The following IL1RAPL2 variants were observed in gnomAD, a reference collection of about 807,000 sequenced individuals.
The protein encoded by IL1RAPL2 is interleukin 1 receptor accessory protein like 2.
In IL1RAPL2, 3 loss-of-function variants were observed where a neutral mutation model predicts 44.1. That is an observed-to-expected ratio of 0.07 (90% CI 0.03 to 0.18). The LOEUF is 0.18. Among genes scored for constraint, IL1RAPL2 ranks in the 10% least tolerant of loss-of-function variants. IL1RAPL2 has a pLI of 1.00. For missense variants in IL1RAPL2, 391 were observed against 496.4 expected, an observed-to-expected ratio of 0.79 and a Z score of 2.02; for synonymous variants, 181 against 178.8, an observed-to-expected ratio of 1.01 and a Z score of -0.10.
intron 6 of IL1RAPL2, among the ~76,000 whole-genome samples, chrX:105,522,582 C>G (rs920238111): frequency 1.8e-5 from 2 of 112,204 alleles, no homozygotes; most frequent in African/African-American, 3.2e-5. Flanking sequence ...GACTTGGTGT[C>G]TAGTTCAGTG....
At chrX:105,364,228 A>G (rs1268022279) in intron 5 of IL1RAPL2, among the ~76,000 whole-genome samples, 1 of 111,560 alleles carries the variant, frequency 9.0e-6, no homozygotes, top group African/African-American at 3.2e-5. Flanking sequence ...TTAATTCACT[A>G]TAAATACTTG....
At chrX:105,328,202 T>C (rs969217657) in intron 5 of IL1RAPL2, among the ~76,000 whole-genome samples, 2 of 112,156 alleles carry the variant, frequency 1.8e-5, no homozygotes, top group African/African-American at 6.5e-5. Flanking sequence ...CAAATTCTTT[T>C]CTGAACCTAG....
At chrX:105,765,900 G>A (rs957276447) in intron 10 of IL1RAPL2, among the ~76,000 whole-genome samples, 2 of 112,379 alleles carry the variant, frequency 1.8e-5, no homozygotes, top group African/African-American at 6.5e-5. Context: ...GCTTCTTTCT[G>A]TAAGCACTGC....
At chrX:104,809,761 T>A (rs1286920934) in intron 2 of IL1RAPL2, among the ~76,000 whole-genome samples, 1 of 111,729 alleles carries the variant, frequency 9.0e-6, no homozygotes, top group Non-Finnish European at 1.9e-5. Flanking sequence ...TTTTGTCTTT[T>A]GTTGCTATTG....
chrX:105,197,602 C>A lies in IL1RAPL2; in HGVS notation c.356+1854C>A, dbSNP rs782709144. Among the ~76,000 whole-genome samples, 9 of 111,570 alleles carry A rather than the reference C, an allele frequency of 8.1e-5. No individual in the cohort carries two copies. The Admixed American group carries it at 8.6e-4, about 11-fold the overall frequency. ...AATAATAACAACTTAGTGATCCCTA[C>A]ATGCATTTCCCCTACTGTTTTAATT... On this transcript the variant is annotated intron_variant, in intron 3 of 10. Coordinates refer to ENST00000372582, the MANE Select transcript of IL1RAPL2 (RefSeq NM_017416.2).
chrX:105,551,109 C>T (rs1488537676), intron 6 of IL1RAPL2, among the ~76,000 whole-genome samples: 2 of 110,294 alleles, frequency 1.8e-5, no homozygotes, highest in Non-Finnish European at 3.8e-5. Context: ...TAATTTTTCT[C>T]CTGATACCCA....
intron 3 of IL1RAPL2, among the ~76,000 whole-genome samples, chrX:105,209,970 G>T (rs1368638811): frequency 9.1e-6 from 1 of 110,157 alleles, no homozygotes; most frequent in Non-Finnish European, 1.9e-5. Context: ...TTTCAGTTGG[G>T]CCCTACCCCA....
At chrX:105,729,923 G>GGAAGGAAGGAAGGAA (rs1569469761) in intron 7 of IL1RAPL2, among the ~76,000 whole-genome samples, 1 of 33,783 alleles carries the variant, frequency 3.0e-5, no homozygotes, top group Non-Finnish European at 6.7e-5. Context: ...GAAGGAAGGA[G>GGAAGGAAGGAAGGAA]GGAGGGAGGG....
chrX:105,116,759 T>A (rs1265500861), intron 2 of IL1RAPL2, among the ~76,000 whole-genome samples: 1 of 112,657 alleles, frequency 8.9e-6, no homozygotes, highest in Non-Finnish European at 1.9e-5. Flanking sequence ...ATGGAACTAA[T>A]TTTTTGGTAG....
intron 6 of IL1RAPL2, among the ~76,000 whole-genome samples, chrX:105,561,027 T>C (rs2147806848): frequency 9.0e-6 from 1 of 111,640 alleles, no homozygotes; most frequent in East Asian, 2.8e-4. Context: ...TAGTGCATCA[T>C]AATTTGCTTG....
intron 2 of IL1RAPL2, among the ~76,000 whole-genome samples, chrX:104,769,764 C>G (rs1932611632): frequency 8.9e-6 from 1 of 111,748 alleles, no homozygotes; most frequent in African/African-American, 3.3e-5. Flanking sequence ...GATGTATGGG[C>G]ACAATGCTCA....
At position 105,477,048 on chromosome X, in the gene IL1RAPL2, C is replaced by T. The variant is rs780645051; in HGVS notation, c.698-7265C>T. On this transcript the variant is annotated intron_variant, in intron 5 of 10. Transcript: ENST00000372582. ...AGAAGGTACAAGTGTCTTAAGTTCA[C>T]ATTAAGGTTTAAATGGCAGATGCTT... Among the ~76,000 whole-genome samples, 8 of 112,152 alleles carry T rather than the reference C, an allele frequency of 7.1e-5. No individual in the cohort carries two copies. The South Asian group carries it at 3.0e-3, about 41-fold the overall frequency.
intron 5 of IL1RAPL2, among the ~76,000 whole-genome samples, chrX:105,411,259 G>T (rs1436958554): frequency 2.7e-5 from 3 of 111,496 alleles, no homozygotes; most frequent in African/African-American, 9.8e-5. Context: ...AGGAGCAAAT[G>T]ATCTATAAAA....
chrX:105,578,942 T>A (rs2037069791), intron 6 of IL1RAPL2, among the ~76,000 whole-genome samples: 1 of 111,747 alleles, frequency 8.9e-6, no homozygotes, highest in African/African-American at 3.2e-5. Flanking sequence ...TTGAATCATA[T>A]TGGATGGAAA....
chrX:105,111,191 T>C (rs1287281940), intron 2 of IL1RAPL2, among the ~76,000 whole-genome samples: 2 of 111,575 alleles, frequency 1.8e-5, no homozygotes, highest in African/African-American at 6.5e-5. Flanking sequence ...ATTGCAGGAA[T>C]TAAAAAAAAA....
chrX:104,966,399 C>T (rs1002132117), intron 2 of IL1RAPL2, among the ~76,000 whole-genome samples: 1 of 111,135 alleles, frequency 9.0e-6, no homozygotes, highest in African/African-American at 3.3e-5. Flanking sequence ...AAATATTTGT[C>T]AGGCAAATAC....
chrX:105,755,133 A>C (rs2038626460), intron 9 of IL1RAPL2, 44 bp from the exon 10 acceptor site: 1 of 901,107 alleles, frequency 1.1e-6, no homozygotes, highest in African/African-American at 2.0e-5. Flanking sequence ...CTCAAAGAGA[A>C]CCTGTTAATA....
intron 6 of IL1RAPL2, among the ~76,000 whole-genome samples, chrX:105,652,823 T>G (rs2037650481): frequency 9.0e-6 from 1 of 111,201 alleles, no homozygotes; most frequent in Non-Finnish European, 1.9e-5. Context: ...ATTTTTATAG[T>G]AGTGTAAATG....
At chrX:105,643,231 G>C (rs755254439) in intron 6 of IL1RAPL2, among the ~76,000 whole-genome samples, 4 of 111,865 alleles carry the variant, frequency 3.6e-5, no homozygotes, top group African/African-American at 1.3e-4. Flanking sequence ...AAAGTTGAAA[G>C]TTGAAAATTG....
Sources: allele counts gnomAD v4.1 joint callset (sites outside exome capture counted in the v4.1 genomes callset), GRCh38; gene constraint gnomAD v4.1.1; transcripts MANE v1.5; gene names NCBI Gene and HGNC (gene_info 2026-07-23, HGNC 2026-07-21).